LRFN2: variants seen among roughly 807,000 people sequenced by gnomAD.
LRFN2 encodes leucine rich repeat and fibronectin type III domain containing 2.
LRFN2 carries 18 observed loss-of-function variants against 37.3 expected under a neutral mutation model. The ratio of observed to expected loss-of-function variants is 0.48; its 90% confidence interval spans 0.33 to 0.72. LRFN2 has a LOEUF of 0.72. Ranked by LOEUF, LRFN2 falls within the 30% of genes least tolerant of loss-of-function variation. LRFN2 has a pLI of 0.02. For synonymous variants in LRFN2, 556 were observed against 466.6 expected (o/e 1.19, Z -2.47); for missense variants, 1,006 against 1,060.7 (o/e 0.95, Z 0.72).
chr6:40,455,514 T>C (rs953253333), intron 1 of LRFN2, among the ~76,000 whole-genome samples: 1 of 152,230 alleles, frequency 6.6e-6, no homozygotes, highest in Non-Finnish European at 1.5e-5. Context: ...TATGGGGTAC[T>C]AGCCAATGGA....
chr6:40,502,050 C>T (rs748319502), intron 1 of LRFN2, among the ~76,000 whole-genome samples: 1 of 152,218 alleles, frequency 6.6e-6, no homozygotes, highest in Non-Finnish European at 1.5e-5. Flanking sequence ...GAAAGCAGCA[C>T]TGCAGTGTTA....
chr6:40,568,700 C>CTTCCTTCCTTCT, intron 1 of LRFN2, among the ~76,000 whole-genome samples: 1 of 150,200 alleles, frequency 6.7e-6, no homozygotes, highest in African/African-American at 2.5e-5. Flanking sequence ...TCCTTCCTTC[C>CTTCCTTCCTTCT]TTCCTTCCTT....
At position 40,442,875 on chromosome 6, in the gene LRFN2, G is replaced by A. The variant is rs114031346; in HGVS notation, c.-18-9744C>T. Among the ~76,000 whole-genome samples the A allele has an allele frequency of 7.4e-3, 1,124 of 152,240 alleles. 12 individuals are homozygous for A. The highest frequency in any genetic ancestry group is 0.024 in the African/African-American group (1,016 of 41,556). ...CCTCAGCAGGGGCTGGCCACGCTGC[G>A]TCTCTTGAGCATCATGTCCTCAGGC... On this transcript the variant is annotated intron_variant, in intron 1 of 2. Transcript: ENST00000338305.
At chr6:40,460,901 C>T (rs1764332883) in intron 1 of LRFN2, among the ~76,000 whole-genome samples, 1 of 152,176 alleles carries the variant, frequency 6.6e-6, no homozygotes, top group Non-Finnish European at 1.5e-5. Context: ...TATGCTTGTT[C>T]CCTATGCCTC....
At chr6:40,470,835 A>T (rs1554137684) in intron 1 of LRFN2, among the ~76,000 whole-genome samples, 1 of 152,260 alleles carries the variant, frequency 6.6e-6, no homozygotes, top group South Asian at 2.1e-4. Context: ...CCAGGGGAAC[A>T]CCAGGGGTGG....
At chr6:40,499,386 AC>A (rs762005196) in intron 1 of LRFN2, among the ~76,000 whole-genome samples, 8 of 150,300 alleles carry the variant, frequency 5.3e-5, no homozygotes, top group Non-Finnish European at 1.2e-4. Context: ...CTCCTTCCAG[AC>A]ATTTTTTTTT....
Position 40,392,169 on chromosome 6 carries a change from T to C in LRFN2, c.2144A>G (p.Glu715Gly). 1 of 1,599,472 alleles carries C rather than the reference T, an allele frequency of 6.3e-7. No homozygotes were observed. The highest frequency in any genetic ancestry group is 8.5e-7 in the Non-Finnish European group (1 of 1,172,392). Residue 715 changes from glutamate (E) to glycine (G), a missense_variant, in exon 3 of 3, where the codon GAG (glutamate) becomes GGG (glycine). This residue lies in a region of LRFN2 where 398 missense variants were observed against 327.6 expected (regional missense o/e 1.21). Coordinates refer to ENST00000338305, the MANE Select transcript of LRFN2 (RefSeq NM_020737.3). This position sits in a 1 kb window ranked among gnomAD's most constrained non-coding sequence, Gnocchi z 4.7. ...RARSLLPLPL[E>G]GKAKRSHSFD... ...GGAGTGGCTGCGTTTGGCCTTGCCC[T>C]CCAACGGCAAGGGGAGCAGGCTCCT...
At chr6:40,523,055 C>T (rs559284522) in intron 1 of LRFN2, among the ~76,000 whole-genome samples, 154 of 152,286 alleles carry the variant, frequency 1.0e-3, no homozygotes, top group Non-Finnish European at 1.6e-3. Flanking sequence ...TGCACTGTGA[C>T]GCAAGGTGTC....
chr6:40,394,695 G>T (rs1337042792), intron 2 of LRFN2, among the ~76,000 whole-genome samples: 2 of 152,130 alleles, frequency 1.3e-5, no homozygotes, highest in East Asian at 1.9e-4. Context: ...ATCTTGAATT[G>T]TAGCTCCTAC....
chr6:40,470,243 C>G (rs1217588992), intron 1 of LRFN2, among the ~76,000 whole-genome samples: 2 of 152,250 alleles, frequency 1.3e-5, no homozygotes, highest in Non-Finnish European at 2.9e-5. Context: ...ACAATGCCCA[C>G]TCCTTCCACA....
chr6:40,530,906 C>T (rs745666186), intron 1 of LRFN2, among the ~76,000 whole-genome samples: 1 of 152,128 alleles, frequency 6.6e-6, no homozygotes, highest in Non-Finnish European at 1.5e-5. Flanking sequence ...AACTAACTGT[C>T]AACACTGTTT....
At chr6:40,467,514 G>A (rs1764497803) in intron 1 of LRFN2, among the ~76,000 whole-genome samples, 1 of 152,146 alleles carries the variant, frequency 6.6e-6, no homozygotes, top group South Asian at 2.1e-4. Flanking sequence ...GTGTCTGAGG[G>A]ACACAGTTAG....
intron 1 of LRFN2, among the ~76,000 whole-genome samples, chr6:40,488,816 C>T (rs1040949834): frequency 6.6e-6 from 1 of 152,046 alleles, no homozygotes; most frequent in Admixed American, 6.6e-5. Flanking sequence ...AGGTGCATTT[C>T]CCTATCCCTC....
rs1443261237 is a variant in LRFN2 at position 40,392,945 on chromosome 6, G to A, written c.1401-33C>T. On this transcript the variant is annotated intron_variant, in intron 2 of 2. Transcript: ENST00000338305. The surrounding 1 kb of genome is among the most constrained non-coding windows in gnomAD (Gnocchi z 4.7). ...GGGAGGTGGACAGAAATAGTGAGGG[G>A]TGGTGGGGTGGAAGGACAGGGTGAT... 1.3e-6 allele frequency: 2 copies of A among 1,574,262 alleles called. No homozygotes were observed. The highest frequency in any genetic ancestry group is 1.7e-6 in the Non-Finnish European group (2 of 1,158,874).
rs529854629 is a variant in LRFN2 at position 40,483,128 on chromosome 6, C to CT, written c.-18-49998dup. On this transcript the variant is annotated intron_variant, in intron 1 of 2. Coordinates refer to ENST00000338305, the MANE Select transcript of LRFN2 (RefSeq NM_020737.3). Reference sequence around the variant, plus strand: ...AAGTTATTTCACCTCTCAGACCTCACTTTCCTCATCCACAAAATGGGTGCC... The same window carrying CT: ...AAGTTATTTCACCTCTCAGACCTCACTTTTCCTCATCCACAAAATGGGTGCC... Among the ~76,000 whole-genome samples, 37 of 152,392 alleles carry CT rather than the reference C, an allele frequency of 2.4e-4. No homozygotes were observed. The East Asian group carries it at 6.9e-3, about 29-fold the overall frequency.
chr6:40,477,859 C>G (rs898613983), intron 1 of LRFN2, among the ~76,000 whole-genome samples: 1 of 152,182 alleles, frequency 6.6e-6, no homozygotes, highest in Admixed American at 6.5e-5. Flanking sequence ...AGAGACCCGA[C>G]GCTCCTCTCC....
chr6:40,477,929 G>A (rs1009899990), intron 1 of LRFN2, among the ~76,000 whole-genome samples: 4 of 152,218 alleles, frequency 2.6e-5, no homozygotes, highest in African/African-American at 9.6e-5. Context: ...TTGTTTACAT[G>A]CACACCGGAT....
Position 40,426,366 on chromosome 6 carries a change from T to C in LRFN2, c.1400+5348A>G, listed in dbSNP as rs1335620891. 2.6e-5 allele frequency among the ~76,000 whole-genome samples: 4 copies of C among 152,184 alleles called. No homozygotes were observed. In the East Asian group the frequency reaches 7.7e-4, roughly 29 times the overall value. On this transcript the variant is annotated intron_variant, in intron 2 of 2. Transcript: ENST00000338305. ...GGGCAGCTCACTACTTTGTGGCAGC[T>C]TTTACTTTAATCTGCTGTTGGGCAG...
At chr6:40,531,286 G>T (rs1027570142) in intron 1 of LRFN2, among the ~76,000 whole-genome samples, 6 of 152,122 alleles carry the variant, frequency 3.9e-5, no homozygotes, top group Non-Finnish European at 8.8e-5. Flanking sequence ...ATAACTTTCG[G>T]TTGTTCATGA....
Sources: allele counts gnomAD v4.1 joint callset (sites outside exome capture counted in the v4.1 genomes callset), GRCh38; gene constraint gnomAD v4.1.1; regional missense constraint gnomAD v4.1.1; non-coding constraint Gnocchi (gnomAD v3.1); transcripts MANE v1.5; gene names NCBI Gene and HGNC (gene_info 2026-07-23, HGNC 2026-07-21).